The following UBE2D1 variants were observed in gnomAD, a reference collection of about 807,000 sequenced individuals.
UBE2D1 encodes ubiquitin conjugating enzyme E2 D1.
Under a neutral mutation model 24.6 loss-of-function variants are expected in UBE2D1, and 9 were observed. The observed-to-expected ratio is 0.37, with a 90% CI of 0.22 to 0.64. The LOEUF (loss-of-function observed/expected upper bound fraction) is 0.64. UBE2D1 is among the 30% of genes least tolerant of loss of function. The probability of loss-of-function intolerance (pLI) is 0.64; values close to 1 mark genes in which losing one functional copy is unlikely to be tolerated. For synonymous variants in UBE2D1, 57 were observed against 57.6 expected (o/e 0.99, Z 0.04); for missense variants, 87 against 177.1 (o/e 0.49, Z 2.89).
intron 3 of UBE2D1, among the ~76,000 whole-genome samples, chr10:58,362,324 G>A (rs568454113): frequency 8.6e-5 from 13 of 152,030 alleles, no homozygotes; most frequent in African/African-American, 2.9e-4. Flanking sequence ...TTAATCATAC[G>A]ACCTTGTGTT....
rs1421249729 is a variant in UBE2D1 at position 58,361,416 on chromosome 10, A to G, written c.88+15A>G. 3.1e-6 allele frequency: 5 copies of G among 1,614,036 alleles called. No individual in the cohort carries two copies. The highest frequency in any genetic ancestry group is 3.4e-6 in the Non-Finnish European group (4 of 1,180,008). ...GGGAGATGACTGTAAGCCTTGCTCT[A>G]TTTCTGGGATTATGCTACCTTTAAA... On this transcript the variant is annotated intron_variant, in intron 2 of 6. Transcript: ENST00000373910.
chr10:58,368,333 A>C (rs2132335677), intron 6 of UBE2D1: 1 of 261,406 alleles, frequency 3.8e-6, no homozygotes, highest in African/African-American at 2.2e-5. Context: ...ATCTTCTCCA[A>C]GGAAGAGGAG....
chr10:58,340,608 A>G (rs1839951831), intron 1 of UBE2D1, among the ~76,000 whole-genome samples: 1 of 152,156 alleles, frequency 6.6e-6, no homozygotes, highest in Non-Finnish European at 1.5e-5. Context: ...AGAGAGTGTT[A>G]TTTCCTTGTC....
At chr10:58,350,375 C>A (rs556656171) in intron 1 of UBE2D1, among the ~76,000 whole-genome samples, 47 of 115,170 alleles carry the variant, frequency 4.1e-4, no homozygotes, top group African/African-American at 1.9e-3. Context: ...TGAAACTGAG[C>A]CCCTTCTGAT....
intron 1 of UBE2D1, among the ~76,000 whole-genome samples, chr10:58,349,095 C>T (rs1353371107): frequency 1.3e-5 from 2 of 152,104 alleles, no homozygotes. Flanking sequence ...AGGTGCTTAG[C>T]AATGTAAGGC....
intron 1 of UBE2D1, among the ~76,000 whole-genome samples, chr10:58,344,113 T>C (rs1478670582): frequency 1.3e-5 from 2 of 152,244 alleles, no homozygotes; most frequent in Non-Finnish European, 2.9e-5. Context: ...TGAAATAGTA[T>C]TCGTTTCTAA....
chr10:58,361,635 G>A (rs954963621), intron 3 of UBE2D1, 109 bp downstream of exon 3: 1 of 1,460,306 alleles, frequency 6.8e-7, no homozygotes, highest in African/African-American at 1.4e-5. Flanking sequence ...CTTGTACTTT[G>A]AATCACCTAG....
chr10:58,368,157 C>T, intron 6 of UBE2D1, 141 bp downstream of exon 6: 1 of 594,468 alleles, frequency 1.7e-6, no homozygotes, highest in African/African-American at 1.9e-5. Flanking sequence ...ATGGAGTAAA[C>T]CTTTCTTTGA....
At chr10:58,357,545 T>C (rs1175219874) in intron 1 of UBE2D1, among the ~76,000 whole-genome samples, 1 of 152,174 alleles carries the variant, frequency 6.6e-6, no homozygotes, top group Non-Finnish European at 1.5e-5. Context: ...CATTAACACA[T>C]CTCAAAATTT....
At chr10:58,350,133 T>G (rs371295762) in intron 1 of UBE2D1, among the ~76,000 whole-genome samples, 57 of 152,332 alleles carry the variant, frequency 3.7e-4, no homozygotes, top group African/African-American at 1.4e-3. Flanking sequence ...GCATGCATAT[T>G]CACTTTTCTG....
intron 3 of UBE2D1, among the ~76,000 whole-genome samples, chr10:58,362,678 G>A (rs1840213231): frequency 6.6e-6 from 1 of 151,966 alleles, no homozygotes; most frequent in Non-Finnish European, 1.5e-5. Flanking sequence ...ATCTGTCATT[G>A]TAATTTATCT....
At chr10:58,353,575 A>G (rs1030525575) in intron 1 of UBE2D1, among the ~76,000 whole-genome samples, 5 of 152,234 alleles carry the variant, frequency 3.3e-5, no homozygotes, top group African/African-American at 9.6e-5. Flanking sequence ...AGAAATGGAA[A>G]CAAAAATTTA....
At chr10:58,367,001 A>G (rs997554254) in intron 5 of UBE2D1, among the ~76,000 whole-genome samples, 1 of 152,178 alleles carries the variant, frequency 6.6e-6, no homozygotes, top group Non-Finnish European at 1.5e-5. Flanking sequence ...CAAGGCTTTT[A>G]AGTTTCATTG....
intron 1 of UBE2D1, among the ~76,000 whole-genome samples, chr10:58,337,029 A>C (rs1839910502): frequency 6.6e-6 from 1 of 152,220 alleles, no homozygotes; most frequent in Non-Finnish European, 1.5e-5. Flanking sequence ...CACCCTTGGC[A>C]GTTCTCATCA....
intron 6 of UBE2D1, 25 bp from the exon 7 acceptor site, chr10:58,368,694 AC>A: frequency 6.6e-7 from 1 of 1,517,638 alleles, no homozygotes. Context: ...GTATGTTTTT[AC>A]TATATCCTTT....
intron 1 of UBE2D1, among the ~76,000 whole-genome samples, chr10:58,342,182 T>A (rs1355139172): frequency 6.6e-6 from 1 of 152,208 alleles, no homozygotes; most frequent in Non-Finnish European, 1.5e-5. Context: ...GAAGCTGCTA[T>A]CTAGAAGCAT....
intron 1 of UBE2D1, among the ~76,000 whole-genome samples, chr10:58,351,967 CTG>C (rs1221742541): frequency 6.6e-6 from 1 of 152,084 alleles, no homozygotes; most frequent in African/African-American, 2.4e-5. Flanking sequence ...TGGCACGTAA[CTG>C]TATATTATTT....
chr10:58,355,171 C>T (rs1421079519), intron 1 of UBE2D1, among the ~76,000 whole-genome samples: 2 of 152,086 alleles, frequency 1.3e-5, no homozygotes, highest in African/African-American at 4.8e-5. Flanking sequence ...TAATTTTGAT[C>T]TCATAGACTT....
intron 1 of UBE2D1, 70 bp downstream of exon 1, chr10:58,335,295 C>G (rs1839889965): frequency 2.1e-6 from 3 of 1,441,396 alleles, no homozygotes; most frequent in African/African-American, 3.0e-5. Context: ...GGCCAGTGGT[C>G]CCGAGAGACA....
Sources: allele counts gnomAD v4.1 joint callset (sites outside exome capture counted in the v4.1 genomes callset), GRCh38; gene constraint gnomAD v4.1.1; transcripts MANE v1.5; gene names NCBI Gene and HGNC (gene_info 2026-07-23, HGNC 2026-07-21).